The following FAT3 variants were observed in gnomAD, a reference collection of about 807,000 sequenced individuals.
FAT3 encodes the protein FAT atypical cadherin 3.
Under a neutral mutation model 310.2 loss-of-function variants are expected in FAT3, and 95 were observed. That is an observed-to-expected ratio of 0.31 (90% CI 0.26 to 0.36). The LOEUF is 0.36. FAT3 is among the 10% of genes least tolerant of loss of function. The pLI, the probability that FAT3 is intolerant of heterozygous loss-of-function variation, is 1.00. For missense variants in FAT3, 5,408 were observed against 5,715.6 expected (o/e 0.95, Z 1.74); for synonymous variants, 2,314 against 2,192.9 (o/e 1.06, Z -1.54).
intron 24 of FAT3, among the ~76,000 whole-genome samples, chr11:92,885,570 G>C (rs761426140): frequency 9.2e-5 from 14 of 152,098 alleles, no homozygotes; most frequent in Admixed American, 6.5e-5. Context: ...TTAAGCAGTT[G>C]CCCTTGAATT....
chr11:92,485,297 A>C (rs1414769901), intron 2 of FAT3, among the ~76,000 whole-genome samples: 1 of 152,204 alleles, frequency 6.6e-6, no homozygotes, highest in Non-Finnish European at 1.5e-5. Flanking sequence ...TGAAGATTAA[A>C]GACTTCTGCA....
chr11:92,399,306 A>C (rs1444709423), intron 2 of FAT3, among the ~76,000 whole-genome samples: 1 of 152,154 alleles, frequency 6.6e-6, no homozygotes, highest in East Asian at 1.9e-4. Flanking sequence ...GTTTCTTTAT[A>C]ATGGAGTGAA....
chr11:92,815,307 G>A lies in FAT3; in HGVS notation c.9481+5231G>A, dbSNP rs149214825. On this transcript the variant is annotated intron_variant, in intron 13 of 27. Coordinates refer to ENST00000525166, the MANE Select transcript of FAT3 (RefSeq NM_001367949.2). Reference sequence around the variant, plus strand: ...AGGAGCTGGTGGGCTGGGCACGGTGGCTCACACCTGTAATCCCAGCACTTT... The same window carrying A: ...AGGAGCTGGTGGGCTGGGCACGGTGACTCACACCTGTAATCCCAGCACTTT... Among the ~76,000 whole-genome samples, 331 of 152,086 alleles carry A rather than the reference G, an allele frequency of 2.2e-3. 2 individuals are homozygous for A. Among genetic ancestry groups the A allele is most frequent in the Non-Finnish European group, 3.4e-3 (231 of 67,992 alleles).
intron 1 of FAT3, among the ~76,000 whole-genome samples, chr11:92,287,280 AG>A (rs1946583615): frequency 6.6e-6 from 1 of 152,122 alleles, no homozygotes; most frequent in Admixed American, 6.6e-5. Flanking sequence ...TTTTTAATAG[AG>A]GAATAGGCTA....
intron 2 of FAT3, among the ~76,000 whole-genome samples, chr11:92,474,074 C>A (rs1369596004): frequency 1.3e-5 from 2 of 152,144 alleles, no homozygotes; most frequent in Non-Finnish European, 2.9e-5. Flanking sequence ...GATAAAGGAG[C>A]AGCCTGATCT....
At chr11:92,417,829 C>G (rs1950449540) in intron 2 of FAT3, among the ~76,000 whole-genome samples, 1 of 152,152 alleles carries the variant, frequency 6.6e-6, no homozygotes. Context: ...AACACAGAAC[C>G]ATTGCAGCTC....
At chr11:92,486,130 G>GGT (rs1952381514) in intron 2 of FAT3, among the ~76,000 whole-genome samples, 2 of 37,126 alleles carry the variant, frequency 5.4e-5, no homozygotes, top group African/African-American at 8.7e-5. Context: ...GGCTGCTGGG[G>GGT]TTTTTTTTTT....
intron 2 of FAT3, chr11:92,408,060 T>A (rs1417715672): frequency 6.6e-6 from 1 of 152,180 alleles, no homozygotes; most frequent in Non-Finnish European, 1.5e-5. Flanking sequence ...TATTTTCTCA[T>A]CATTCTAGAG....
chr11:92,358,077 G>GC (rs2134660809), intron 2 of FAT3, among the ~76,000 whole-genome samples: 1 of 151,976 alleles, frequency 6.6e-6, no homozygotes, highest in South Asian at 2.1e-4. Flanking sequence ...GGAAGCTGAG[G>GC]CAGGAAGGAG....
At position 92,350,626 on chromosome 11, in the gene FAT3, A is replaced by C. The variant is rs767553119; in HGVS notation, c.-17-1470A>C. 1.3e-3 allele frequency among the ~76,000 whole-genome samples: 193 copies of C among 152,282 alleles called. 2 individuals carry two copies. Among genetic ancestry groups the C allele is most frequent in the Middle Eastern group, 0.01 (3 of 294 alleles). Reference sequence around the variant, plus strand: ...AGATTAAGGTCTGAGATCCTGCTTTACTACTTGCCGGCTGGGGAACATTGT... The same window carrying C: ...AGATTAAGGTCTGAGATCCTGCTTTCCTACTTGCCGGCTGGGGAACATTGT... On this transcript the variant is annotated intron_variant, in intron 1 of 27. Coordinates refer to ENST00000525166, the MANE Select transcript of FAT3 (RefSeq NM_001367949.2).
At chr11:92,327,733 A>G (rs1947802316) in intron 1 of FAT3, among the ~76,000 whole-genome samples, 1 of 152,212 alleles carries the variant, frequency 6.6e-6, no homozygotes, top group African/African-American at 2.4e-5. Context: ...TCTGCAAGTA[A>G]GTAGCCATTT....
chr11:92,471,915 C>CTATATATATATATATATA (rs140886151), intron 2 of FAT3, among the ~76,000 whole-genome samples: 7 of 124,938 alleles, frequency 5.6e-5, no homozygotes, highest in South Asian at 2.8e-4. Flanking sequence ...TTTTCATATG[C>CTATATATATATATATATA]TATATATATA....
intron 2 of FAT3, among the ~76,000 whole-genome samples, chr11:92,485,280 T>C (rs1952346056): frequency 1.3e-5 from 2 of 152,204 alleles, no homozygotes; most frequent in African/African-American, 4.8e-5. Context: ...AGGTGTTAAA[T>C]AAATGCTGAA....
Position 92,880,856 on chromosome 11 carries a change from A to G in FAT3, c.12253A>G (p.Asn4085Asp), listed in dbSNP as rs2136399010. The G allele has an allele frequency of 6.2e-7, 1 of 1,613,988 alleles. No individual in the cohort carries two copies. The highest frequency in any genetic ancestry group is 1.1e-5 in the South Asian group (1 of 91,074). The change falls in exon 23 of 28, where the codon AAT becomes GAT. Residue 4085 changes from asparagine to aspartate, a missense_variant. Physicochemically the swap from Asn to Asp is conservative, Grantham distance 23. Coordinates refer to ENST00000525166, the MANE Select transcript of FAT3 (RefSeq NM_001367949.2). ...TCCAATAGGAAACACTTTCATCTGC[A>G]ATTGTAAAGCTGGGCTCACTGGAGT... ...CDPIGNTFIC[N>D]CKAGLTGVTC...
chr11:92,493,108 G>A lies in FAT3; in HGVS notation c.3293-31526G>A, dbSNP rs537540192. Among the ~76,000 whole-genome samples the A allele has an allele frequency of 7.2e-5, 11 of 152,180 alleles. No individual in the cohort carries two copies. In the South Asian group the frequency reaches 1.7e-3, roughly 23 times the overall value. On this transcript the variant is annotated intron_variant, in intron 2 of 27. Transcript: ENST00000525166. Reference sequence around the variant, plus strand: ...TTTCTTCTCTAAGTCTAGTCAAGACGTTTCTCATAGATGGGTTTGACCTTT... The same window carrying A: ...TTTCTTCTCTAAGTCTAGTCAAGACATTTCTCATAGATGGGTTTGACCTTT...
intron 2 of FAT3, among the ~76,000 whole-genome samples, chr11:92,513,904 T>C (rs191245656): frequency 7.6e-4 from 115 of 152,270 alleles, no homozygotes; most frequent in African/African-American, 2.5e-3. Context: ...TTTGGAGCTG[T>C]TGTGTTTGGG....
chr11:92,244,806 A>G (rs754794146), intron 1 of FAT3, among the ~76,000 whole-genome samples: 2 of 152,142 alleles, frequency 1.3e-5, no homozygotes, highest in Non-Finnish European at 2.9e-5. Context: ...ATCTCACACC[A>G]GTTAGAATAG....
chr11:92,821,522 G>A (rs938926082), intron 13 of FAT3, among the ~76,000 whole-genome samples: 4 of 152,290 alleles, frequency 2.6e-5, no homozygotes, highest in South Asian at 4.1e-4. Context: ...CTATTAAAAT[G>A]TCAGTAAAAA....
chr11:92,674,487 T>C (rs1320833289), intron 3 of FAT3, among the ~76,000 whole-genome samples: 2 of 152,048 alleles, frequency 1.3e-5, no homozygotes, highest in Non-Finnish European at 2.9e-5. Flanking sequence ...TGGTTCTGAA[T>C]TATGTTACTT....
Sources: gnomAD v4.1 joint callset for allele counts (sites outside exome capture counted in the v4.1 genomes callset) on GRCh38, gnomAD v4.1.1 for gene constraint, MANE v1.5 for transcripts, NCBI Gene and HGNC (gene_info 2026-07-23, HGNC 2026-07-21) for gene names.